WDR72: variants seen among roughly 807,000 people sequenced by gnomAD.
WDR72 encodes WD repeat-containing protein 72.
Under a neutral mutation model 124.2 loss-of-function variants are expected in WDR72, and 120 were observed. That is an observed-to-expected ratio of 0.97 (90% CI 0.83 to 1.12). The LOEUF is 1.12. WDR72 is among the 50% of genes most tolerant of loss of function. The probability of loss-of-function intolerance (pLI) is 0.00; values close to 1 mark genes in which losing one functional copy is unlikely to be tolerated. For missense variants in WDR72, 1,387 were observed against 1,278.8 expected, an observed-to-expected ratio of 1.08 and a Z score of -1.29; for synonymous variants, 452 against 441.7, an observed-to-expected ratio of 1.02 and a Z score of -0.29.
At chr15:53,634,700 A>C (rs1203868372) in intron 14 of WDR72, among the ~76,000 whole-genome samples, 1 of 152,192 alleles carries the variant, frequency 6.6e-6, no homozygotes, top group Non-Finnish European at 1.5e-5. Flanking sequence ...GTGCCAAAGG[A>C]AAAACTGCTC....
At chr15:53,758,609 C>T (rs983999092) in intron 1 of WDR72, among the ~76,000 whole-genome samples, 4 of 151,878 alleles carry the variant, frequency 2.6e-5, no homozygotes, top group Non-Finnish European at 5.9e-5. Context: ...CTTTCCTTTT[C>T]ACTGGTTTGT....
At chr15:53,591,046 G>A (rs551862179) in intron 18 of WDR72, among the ~76,000 whole-genome samples, 43 of 152,088 alleles carry the variant, frequency 2.8e-4, no homozygotes, top group Admixed American at 2.8e-3. Context: ...AATGGCTTCA[G>A]TGGTCTTAGT....
intron 14 of WDR72, among the ~76,000 whole-genome samples, chr15:53,649,670 T>C (rs2015163252): frequency 6.6e-6 from 1 of 152,056 alleles, no homozygotes; most frequent in African/African-American, 2.4e-5. Flanking sequence ...GGTCAAGAAA[T>C]ATATGCAAAA....
At chr15:53,705,308 CTCCCT>C in intron 10 of WDR72, 75 bp from the exon 11 acceptor site, 1 of 1,398,152 alleles carries the variant, frequency 7.2e-7, no homozygotes, top group African/African-American at 1.4e-5. Flanking sequence ...TCAAGGCACC[CTCCCT>C]TCAAAAATAT....
intron 13 of WDR72, among the ~76,000 whole-genome samples, chr15:53,682,919 A>G (rs2140483216): frequency 6.6e-6 from 1 of 152,328 alleles, no homozygotes; most frequent in African/African-American, 2.4e-5. Flanking sequence ...TCTATGGAAG[A>G]AAGAGGCTTA....
chr15:53,679,198 T>A (rs183503937), intron 13 of WDR72, among the ~76,000 whole-genome samples: 59 of 152,330 alleles, frequency 3.9e-4, no homozygotes, highest in Admixed American at 1.6e-3. Flanking sequence ...GTATGGAGTT[T>A]CATTTAAAGA....
At chr15:53,712,140 T>TAAACACCAAATCTAAA (rs2017557117) in intron 7 of WDR72, among the ~76,000 whole-genome samples, 1 of 152,174 alleles carries the variant, frequency 6.6e-6, no homozygotes, top group Non-Finnish European at 1.5e-5. Context: ...AACACCAAAT[T>TAAACACCAAATCTAAA]TTGAAAACAA....
chr15:53,552,269 T>A (rs1422810109), intron 18 of WDR72, among the ~76,000 whole-genome samples: 1 of 152,124 alleles, frequency 6.6e-6, no homozygotes, highest in Non-Finnish European at 1.5e-5. Flanking sequence ...AACTGTTTAG[T>A]GTATTAATGC....
At chr15:53,563,997 T>G (rs1302963146) in intron 18 of WDR72, among the ~76,000 whole-genome samples, 1 of 151,886 alleles carries the variant, frequency 6.6e-6, no homozygotes, top group Admixed American at 6.6e-5. Flanking sequence ...ACTTGATGTA[T>G]AAGTGAAGTG....
intron 18 of WDR72, among the ~76,000 whole-genome samples, chr15:53,583,584 T>C (rs944872438): frequency 2.0e-5 from 3 of 152,018 alleles, no homozygotes; most frequent in Admixed American, 2.0e-4. Context: ...TATCAAAACA[T>C]TTCTTTTTCT....
chr15:53,651,846 T>C (rs941818484), intron 14 of WDR72: 3 of 152,262 alleles, frequency 2.0e-5, no homozygotes, highest in Middle Eastern at 3.4e-3. Context: ...AGAGATGGTG[T>C]TTCACCATGT....
At chr15:53,591,960 G>A (rs867811603) in intron 18 of WDR72, among the ~76,000 whole-genome samples, 1 of 152,138 alleles carries the variant, frequency 6.6e-6, no homozygotes, top group Middle Eastern at 3.4e-3. Flanking sequence ...GCCTTTTGTA[G>A]AGTCGATCTT....
chr15:53,627,556 A>G (rs534729369), intron 14 of WDR72, among the ~76,000 whole-genome samples: 1 of 152,332 alleles, frequency 6.6e-6, no homozygotes, highest in East Asian at 1.9e-4. Context: ...AGAAAACCAG[A>G]TAACTTGAGA....
At chr15:53,523,733 T>C (rs916751164) in intron 18 of WDR72, among the ~76,000 whole-genome samples, 1 of 152,090 alleles carries the variant, frequency 6.6e-6, no homozygotes, top group African/African-American at 2.4e-5. Context: ...TTCCTCTCAC[T>C]GCACTAATCA....
At chr15:53,629,546 A>G (rs2014342899) in intron 14 of WDR72, among the ~76,000 whole-genome samples, 1 of 152,120 alleles carries the variant, frequency 6.6e-6, no homozygotes, top group African/African-American at 2.4e-5. Flanking sequence ...GAAAAGTATA[A>G]TAATTATATT....
chr15:53,706,951 C>T (rs879482173), intron 9 of WDR72, among the ~76,000 whole-genome samples: 1 of 152,118 alleles, frequency 6.6e-6, no homozygotes, highest in Non-Finnish European at 1.5e-5. Context: ...TGCCTTCACT[C>T]ATGAATGCAT....
At chr15:53,706,416 G>T in intron 9 of WDR72, among the ~76,000 whole-genome samples, 1 of 127,042 alleles carries the variant, frequency 7.9e-6, no homozygotes, top group Admixed American at 8.5e-5. Flanking sequence ...ACACATTACT[G>T]CAAGGGGCTT....
chr15:53,539,474 G>A (rs1892952474), intron 18 of WDR72, among the ~76,000 whole-genome samples: 1 of 152,000 alleles, frequency 6.6e-6, no homozygotes, highest in African/African-American at 2.4e-5. Context: ...CATATACTTA[G>A]TAGTATATGT....
At chr15:53,573,814 G>A (rs1222737800) in intron 18 of WDR72, among the ~76,000 whole-genome samples, 2 of 152,190 alleles carry the variant, frequency 1.3e-5, no homozygotes, top group African/African-American at 4.8e-5. Flanking sequence ...CCAAAGTGCT[G>A]GGATTACAGG....
Sources: gnomAD v4.1 joint callset for allele counts (sites outside exome capture counted in the v4.1 genomes callset) on GRCh38, gnomAD v4.1.1 for gene constraint, MANE v1.5 for transcripts, NCBI Gene and HGNC (gene_info 2026-07-23, HGNC 2026-07-21) for gene names.